Variants in HDGFL3 observed in about 807,000 individuals in gnomAD.
The protein encoded by HDGFL3 is HDGF like 3.
HDGFL3 carries 6 observed loss-of-function variants against 27.6 expected under a neutral mutation model. The ratio of observed to expected loss-of-function variants is 0.22; its 90% CI spans 0.12 to 0.43. The LOEUF (loss-of-function observed/expected upper bound fraction) is 0.43, where lower values mean the gene tolerates loss of function less well. Ranked by LOEUF, HDGFL3 falls within the 20% of genes least tolerant of loss-of-function variation. HDGFL3 has a pLI of 1.00. For missense variants in HDGFL3, 207 were observed against 250.1 expected (o/e 0.83, Z 1.16); for synonymous variants, 88 against 88.9 (o/e 0.99, Z 0.05).
chr15:83,158,031 C>T lies in HDGFL3; in HGVS notation c.172G>A (p.Gly58Ser). 1 of 1,608,698 alleles carries T rather than the reference C, an allele frequency of 6.2e-7. No homozygotes were observed. The highest frequency in any genetic ancestry group is 8.5e-7 in the Non-Finnish European group (1 of 1,177,814). Reference protein sequence around the residue: ...FFGTHETAFLGPKDLFPYKEY... With the variant: ...FFGTHETAFLSPKDLFPYKEY... ...TTATATGGAAAAAGGTCTTTGGGAC[C>T]TAGAAATGCACTGCAGAGACATATT... is the stretch of plus-strand genomic sequence containing the variant. The change falls in exon 3 of 6, where the codon GGT becomes AGT. Residue 58 changes from glycine to serine, a missense_variant. Physicochemically the swap from Gly to Ser is moderately conservative, Grantham distance 56. Transcript: ENST00000299633.
chr15:83,202,019 T>G (rs976406190), intron 1 of HDGFL3, among the ~76,000 whole-genome samples: 1 of 152,172 alleles, frequency 6.6e-6, no homozygotes, highest in Non-Finnish European at 1.5e-5. Flanking sequence ...CAAATGATTC[T>G]CTGAAAATAA....
chr15:83,165,146 A>G (rs1375548598), intron 1 of HDGFL3, among the ~76,000 whole-genome samples: 1 of 152,200 alleles, frequency 6.6e-6, no homozygotes, highest in African/African-American at 2.4e-5. Flanking sequence ...CAAACATGAC[A>G]ACTCCCAGCA....
chr15:83,112,833 G>A (rs755264960), exon 4 of HDGFL3: 2 of 1,614,156 alleles, frequency 1.2e-6, no homozygotes, highest in Non-Finnish European at 1.7e-6. Flanking sequence ...CCCTCATCCT[G>A]TTCCTGGTAG....
downstream of HDGFL3, chr15:83,126,731 T>C (rs1254578682): frequency 3.8e-6 from 6 of 1,581,866 alleles, no homozygotes; most frequent in Admixed American, 1.0e-4. Context: ...TGTATTTTTA[T>C]AATGAGTTTA....
At chr15:83,149,634 A>G (rs951146864) in intron 5 of HDGFL3, among the ~76,000 whole-genome samples, 3 of 152,220 alleles carry the variant, frequency 2.0e-5, no homozygotes, top group African/African-American at 7.2e-5. Flanking sequence ...AACCTTTACA[A>G]GAGCAATTTC....
chr15:83,159,416 G>A (rs2037070175), intron 2 of HDGFL3, among the ~76,000 whole-genome samples: 1 of 152,148 alleles, frequency 6.6e-6, no homozygotes, highest in Non-Finnish European at 1.5e-5. Context: ...TTGAACATTT[G>A]TTAATACAAT....
rs563285191 is a variant in HDGFL3 at position 83,207,498 on chromosome 15, G to C, written c.-84C>G. 2.4e-4 allele frequency: 253 copies of C among 1,068,192 alleles called. 5 individuals carry two copies. The South Asian group carries it at 3.4e-3, about 15-fold the overall frequency. The allele number at this position is 1,068,192 out of a possible 1,614,324, so 66.2% of individuals were successfully genotyped here. On this transcript the variant is annotated 5_prime_UTR_variant, in exon 1 of 6. Coordinates refer to ENST00000299633, the MANE Select transcript of HDGFL3 (RefSeq NM_016073.4). This position sits in a 1 kb window ranked among gnomAD's most constrained non-coding sequence, Gnocchi z 4.8. Reference sequence around the variant, plus strand: ...CCCCCGCGGGCCGACGAATTGCGCCGCGCTCCCCGCGGGCCTCAAGCCGGG... The same window carrying C: ...CCCCCGCGGGCCGACGAATTGCGCCCCGCTCCCCGCGGGCCTCAAGCCGGG...
In HDGFL3 at chr15:83,142,360, G is replaced by A. The variant is rs567960221; in HGVS notation, c.607-3085C>T. Among the ~76,000 whole-genome samples, 56 of 152,066 alleles carry A rather than the reference G, an allele frequency of 3.7e-4. 1 individual carries two copies. In the South Asian group the frequency reaches 7.9e-3, roughly 21 times the overall value. On this transcript the variant is annotated intron_variant, in intron 5 of 5. Coordinates refer to ENST00000299633, the MANE Select transcript of HDGFL3 (RefSeq NM_016073.4). ...TATGCAGCCATTAAAAAGAGTGAGAGCATGTCTTTTGTGGGAACATGCATA... is the reference window on the plus strand; with the variant it reads ...TATGCAGCCATTAAAAAGAGTGAGAACATGTCTTTTGTGGGAACATGCATA...
intron 3 of HDGFL3, chr15:83,121,771 CCTT>C (rs2151361709): frequency 1.6e-6 from 1 of 622,510 alleles, no homozygotes. Context: ...AACCAGGGCT[CCTT>C]GTGTTTGATT....
At chr15:83,189,551 G>A in intron 1 of HDGFL3, 1 of 152,210 alleles carries the variant, frequency 6.6e-6, no homozygotes, top group East Asian at 1.9e-4. Context: ...TCACATACAT[G>A]CTAGCCTCTT....
chr15:83,169,486 C>T (rs977647004), intron 1 of HDGFL3, among the ~76,000 whole-genome samples: 4 of 146,666 alleles, frequency 2.7e-5, no homozygotes, highest in South Asian at 2.2e-4. Context: ...TATCTCTCTT[C>T]GCTGATGATA....
chr15:83,151,146 T>C lies in HDGFL3; in HGVS notation c.606+69A>G, dbSNP rs1421698786. The C allele has an allele frequency of 9.9e-6, 14 of 1,413,480 alleles. No individual in the cohort carries two copies. In the African/African-American group the frequency reaches 1.3e-4, roughly 13 times the overall value. 87.6% of individuals were successfully genotyped at this position (1,413,480 alleles called of 1,614,324 possible). On this transcript the variant is annotated intron_variant, in intron 5 of 5. Transcript: ENST00000299633. ...AACACAATGTTTACTAATGCTGACATATGGATGCTGAATCTGAAGCAAAAT... is the reference window on the plus strand; with the variant it reads ...AACACAATGTTTACTAATGCTGACACATGGATGCTGAATCTGAAGCAAAAT...
At chr15:83,170,735 A>G (rs2037235198) in intron 1 of HDGFL3, among the ~76,000 whole-genome samples, 1 of 152,190 alleles carries the variant, frequency 6.6e-6, no homozygotes, top group African/African-American at 2.4e-5. Flanking sequence ...TAATTAAACT[A>G]AAGAGCTTCT....
chr15:83,139,283 A>G lies in HDGFL3; in HGVS notation c.607-8T>C. On this transcript the variant is annotated splice_region_variant and splice_polypyrimidine_tract_variant and intron_variant, in intron 5 of 5. Transcript: ENST00000299633. ...TCATTATGGTAGTTAGGTCTGTAAA[A>G]AAAAAAAAAAGAAAGAAAACAAGCC... 7.0e-7 allele frequency: 1 copy of G among 1,423,614 alleles called. No individual in the cohort carries two copies. The highest frequency in any genetic ancestry group is 1.4e-5 in the South Asian group (1 of 69,616). 88.2% of individuals were successfully genotyped at this position (1,423,614 alleles called of 1,614,324 possible).
intron 5 of HDGFL3, among the ~76,000 whole-genome samples, chr15:83,141,554 A>G (rs1211479855): frequency 1.3e-5 from 2 of 152,224 alleles, no homozygotes; most frequent in Non-Finnish European, 2.9e-5. Context: ...CTAGAATTTC[A>G]AATCCTCCAT....
rs141163537 is a variant in HDGFL3 at position 83,167,887 on chromosome 15, G to A, written c.85-3812C>T. Among the ~76,000 whole-genome samples, 563 of 152,192 alleles carry A rather than the reference G, an allele frequency of 3.7e-3. 10 individuals are homozygous for A. The highest frequency in any genetic ancestry group is 0.034 in the Admixed American group (523 of 15,288). On this transcript the variant is annotated intron_variant, in intron 1 of 5. Coordinates refer to ENST00000299633, the MANE Select transcript of HDGFL3 (RefSeq NM_016073.4). ...TGCACACAGAACATACTCCAAGATA[G>A]ACCACATGCTTGGCCATAAAGCAAG...
intron 3 of HDGFL3, among the ~76,000 whole-genome samples, chr15:83,118,439 A>G (rs1438199139): frequency 6.6e-6 from 1 of 152,228 alleles, no homozygotes; most frequent in Non-Finnish European, 1.5e-5. Context: ...CAGGTGTGTT[A>G]GCAATGGAAG....
chr15:83,202,375 A>G (rs2037658037), intron 1 of HDGFL3, among the ~76,000 whole-genome samples: 1 of 152,166 alleles, frequency 6.6e-6, no homozygotes, highest in African/African-American at 2.4e-5. Context: ...AAATATGATA[A>G]GCAGTGATTT....
At chr15:83,150,845 T>G (rs919838064) in intron 5 of HDGFL3, among the ~76,000 whole-genome samples, 1 of 152,236 alleles carries the variant, frequency 6.6e-6, no homozygotes, top group African/African-American at 2.4e-5. Flanking sequence ...GAAGCAGCAG[T>G]ATGTAATACT....
Sources: gnomAD v4.1 joint callset for allele counts (sites outside exome capture counted in the v4.1 genomes callset) on GRCh38, gnomAD v4.1.1 for gene constraint, Gnocchi (gnomAD v3.1) non-coding constraint, MANE v1.5 for transcripts, NCBI Gene and HGNC (gene_info 2026-07-23, HGNC 2026-07-21) for gene names.